RIMKLB: variants seen among roughly 807,000 people sequenced by gnomAD.
RIMKLB encodes ribosomal modification protein rimK like family member B.
A neutral mutation model predicts 32.0 loss-of-function variants in RIMKLB; 7 were observed. The ratio of observed to expected loss-of-function variants is 0.22; its 90% CI spans 0.12 to 0.41. RIMKLB has a LOEUF of 0.41. Ranked by LOEUF, RIMKLB falls within the 10% of genes least tolerant of loss-of-function variation. The pLI is 1.00. For synonymous variants in RIMKLB, 172 were observed against 185.1 expected (o/e 0.93, Z 0.57); for missense variants, 289 against 498.7 (o/e 0.58, Z 4.00).
intron 1 of RIMKLB, among the ~76,000 whole-genome samples, chr12:8,685,878 G>C (rs997107209): frequency 6.6e-6 from 1 of 152,060 alleles, no homozygotes; most frequent in Non-Finnish European, 1.5e-5. Context: ...GGCAATCTCG[G>C]CTCACTGCAA....
chr12:8,676,441 C>G, the RIMKLB span, among the ~76,000 whole-genome samples: 1 of 125,992 alleles, frequency 7.9e-6, no homozygotes, highest in Non-Finnish European at 1.6e-5. Context: ...CTCTGTTGCC[C>G]AGGCTGGAGT....
chr12:8,746,391 G>A (rs369165071), intron 2 of RIMKLB, among the ~76,000 whole-genome samples: 7 of 151,596 alleles, frequency 4.6e-5, no homozygotes, highest in African/African-American at 1.5e-4. Flanking sequence ...CTGAGGTCAG[G>A]AGTTTGAGAC....
chr12:8,684,521 G>A (rs1052883167), intron 1 of RIMKLB, among the ~76,000 whole-genome samples: 1 of 151,900 alleles, frequency 6.6e-6, no homozygotes, highest in African/African-American at 2.4e-5. Context: ...TTTGCATTTT[G>A]CATATAGGTC....
chr12:8,730,820 A>G (rs1205490748), intron 2 of RIMKLB, among the ~76,000 whole-genome samples: 1 of 151,396 alleles, frequency 6.6e-6, no homozygotes, highest in South Asian at 2.1e-4. Context: ...GCCCACTGCA[A>G]CCTCCTCCTC....
chr12:8,779,812 G>A (rs1257851545), downstream of RIMKLB: 1 of 152,126 alleles, frequency 6.6e-6, no homozygotes, highest in Admixed American at 6.5e-5. Flanking sequence ...ACAAACAGAA[G>A]ACGTTTATGC....
At chr12:8,690,938 CA>C (rs1399821433) in intron 1 of RIMKLB, among the ~76,000 whole-genome samples, 4 of 151,730 alleles carry the variant, frequency 2.6e-5, no homozygotes, top group Admixed American at 2.0e-4. Flanking sequence ...CAAAACAAAA[CA>C]AAAAAAGAAG....
At chr12:8,728,280 CT>C (rs1946220798) in intron 2 of RIMKLB, among the ~76,000 whole-genome samples, 1 of 152,084 alleles carries the variant, frequency 6.6e-6, no homozygotes, top group Non-Finnish European at 1.5e-5. Context: ...GTGTTTTTGC[CT>C]TTTCAGATAA....
At position 8,752,030 on chromosome 12, in the gene RIMKLB, G is replaced by T; in HGVS notation, c.480G>T (p.Thr160=). The change falls in exon 4 of 6, where the codon ACG becomes ACT. Residue 160 remains threonine, a synonymous_variant. Transcript: ENST00000535829. ...AGTTCCCAATGGTAGTAAAGAATAC[G>T]CGGGGTCACAGAGGTATGTATGAGT... ...VLEFPMVVKN[T]RGHRGKAVFL... The T allele has an allele frequency of 6.2e-7, 1 of 1,608,350 alleles. No individual in the cohort carries two copies. The highest frequency in any genetic ancestry group is 8.5e-7 in the Non-Finnish European group (1 of 1,174,982).
chr12:8,708,667 CAA>C (rs754737481), intron 1 of RIMKLB, among the ~76,000 whole-genome samples: 230 of 152,250 alleles, frequency 1.5e-3, no homozygotes, highest in African/African-American at 5.4e-3. Context: ...TTGGGAGAAA[CAA>C]AGTGGTACTT....
chr12:8,699,621 G>A (rs2136666434), intron 1 of RIMKLB, among the ~76,000 whole-genome samples: 1 of 152,210 alleles, frequency 6.6e-6, no homozygotes, highest in South Asian at 2.1e-4. Flanking sequence ...GGCCTATTTT[G>A]TCTTGAGGTA....
the RIMKLB span, among the ~76,000 whole-genome samples, chr12:8,676,307 T>C: frequency 6.6e-6 from 1 of 151,082 alleles, no homozygotes; most frequent in Admixed American, 6.6e-5. Context: ...CTCCTGAGCT[T>C]GAGTGATCCC....
At chr12:8,732,598 T>G (rs1946639181) in intron 2 of RIMKLB, among the ~76,000 whole-genome samples, 1 of 152,230 alleles carries the variant, frequency 6.6e-6, no homozygotes, top group African/African-American at 2.4e-5. Flanking sequence ...TCTGACATTT[T>G]AACATTAATA....
In RIMKLB at chr12:8,773,757, C is replaced by G. The variant is rs768894613; in HGVS notation, c.1134C>G (p.Ala378=). 1 of 1,613,252 alleles carries G rather than the reference C, an allele frequency of 6.2e-7. No homozygotes were observed. Among genetic ancestry groups the G allele is most frequent in the Non-Finnish European group, 8.5e-7 (1 of 1,179,274 alleles). The change falls in exon 6 of 6, where the codon GCC becomes GCG. Residue 378 remains alanine, a synonymous_variant. Transcript: ENST00000535829. The stretch of plus-strand genomic sequence containing the variant: ...TGTTCAACATGAACCAGCTGCTAGC[C>G]AATGAAATCAAACTACTGGTGGACT... ...GGLFNMNQLL[A]NEIKLLVD
At chr12:8,758,550 C>A (rs1222128181) in intron 5 of RIMKLB, among the ~76,000 whole-genome samples, 1 of 152,028 alleles carries the variant, frequency 6.6e-6, no homozygotes, top group Admixed American at 6.6e-5. Context: ...AAAATTGTCC[C>A]TTTTAATGTC....
intron 2 of RIMKLB, among the ~76,000 whole-genome samples, chr12:8,724,205 G>A (rs1945760530): frequency 1.3e-5 from 2 of 151,932 alleles, no homozygotes; most frequent in Non-Finnish European, 2.9e-5. Flanking sequence ...CGCTCCCTAG[G>A]GAAGATTTTC....
At chr12:8,718,667 ATATGTGTGTGTGTGTGTG>A (rs1274674419) in intron 2 of RIMKLB, among the ~76,000 whole-genome samples, 20 of 132,730 alleles carry the variant, frequency 1.5e-4, no homozygotes, top group South Asian at 9.8e-4. Flanking sequence ...ATATATATAT[ATATGTGTGTGTGTGTGTG>A]TGTGTGTGTG....
intron 1 of RIMKLB, among the ~76,000 whole-genome samples, chr12:8,684,319 C>T (rs1042993377): frequency 6.6e-6 from 1 of 151,962 alleles, no homozygotes; most frequent in Non-Finnish European, 1.5e-5. Context: ...ACTACAGGCA[C>T]ACGCCACCAC....
intron 5 of RIMKLB, among the ~76,000 whole-genome samples, chr12:8,763,028 C>G (rs1172070500): frequency 6.6e-6 from 1 of 152,196 alleles, no homozygotes; most frequent in Non-Finnish European, 1.5e-5. Flanking sequence ...GATATTTAAG[C>G]AAATGGTTGT....
intron 2 of RIMKLB, among the ~76,000 whole-genome samples, chr12:8,718,659 A>G (rs796516851): frequency 0.016 from 1,950 of 119,186 alleles, 52 homozygotes; most frequent in African/African-American, 0.059. Flanking sequence ...CTCTCTATAT[A>G]TATATATATA....
Sources: allele counts gnomAD v4.1 joint callset (sites outside exome capture counted in the v4.1 genomes callset), GRCh38; gene constraint gnomAD v4.1.1; transcripts MANE v1.5; gene names NCBI Gene and HGNC (gene_info 2026-07-23, HGNC 2026-07-21).